The following CMKLR2 variants were observed in gnomAD, a reference collection of about 807,000 sequenced individuals.
CMKLR2 encodes the protein chemerin-like receptor 2.
CMKLR2 carries 18 observed loss-of-function variants against 23.0 expected under a neutral mutation model. The ratio of observed to expected loss-of-function variants is 0.78; its 90% CI spans 0.54 to 1.16. CMKLR2 has a LOEUF of 1.16. Ranked by LOEUF, CMKLR2 falls within the 50% of genes most tolerant of loss-of-function variation. CMKLR2 has a pLI of 0.00. For synonymous variants in CMKLR2, 158 were observed against 158.9 expected, an observed-to-expected ratio of 0.99 and a Z score of 0.05; for missense variants, 401 against 412.7, an observed-to-expected ratio of 0.97 and a Z score of 0.25.
chr2:206,200,877 C>T (rs1043494971), intron 1 of CMKLR2, among the ~76,000 whole-genome samples: 2 of 152,218 alleles, frequency 1.3e-5, no homozygotes, highest in East Asian at 1.9e-4. Context: ...CTTTTGTTCT[C>T]ATCACAGATT....
At position 206,175,954 on chromosome 2, in the gene CMKLR2, A is replaced by T. The variant is rs1353961564; in HGVS notation, c.*226T>A. 5.0e-6 allele frequency: 2 copies of T among 397,828 alleles called. No individual in the cohort carries two copies. Among genetic ancestry groups the T allele is most frequent in the Non-Finnish European group, 8.9e-6 (2 of 225,450 alleles). The allele number at this position is 397,828 out of a possible 1,614,324, so 24.6% of individuals were successfully genotyped here. ...AAAAAAATTATGCGGATCCTTCCTAAGTATTTTCAGTTTTTTAAAAAAAAT... is the reference window on the plus strand; with the variant it reads ...AAAAAAATTATGCGGATCCTTCCTATGTATTTTCAGTTTTTTAAAAAAAAT... On this transcript the variant is annotated 3_prime_UTR_variant, in exon 2 of 2. Coordinates refer to ENST00000621141, the MANE Select transcript of CMKLR2 (RefSeq NM_001389445.1).
At chr2:206,187,144 C>A (rs377160915) in intron 1 of CMKLR2, among the ~76,000 whole-genome samples, 62 of 152,198 alleles carry the variant, frequency 4.1e-4, no homozygotes, top group African/African-American at 1.4e-3. Flanking sequence ...GTAAGGAGTT[C>A]GAGACCAGCC....
At chr2:206,210,970 T>C (rs2105844135) in intron 1 of CMKLR2, among the ~76,000 whole-genome samples, 1 of 152,304 alleles carries the variant, frequency 6.6e-6, no homozygotes, top group Admixed American at 6.5e-5. Flanking sequence ...TTAACGTCAA[T>C]TCAACTTTGT....
chr2:206,182,702 C>T lies in CMKLR2; in HGVS notation c.-28-5427G>A, dbSNP rs181755587. On this transcript the variant is annotated intron_variant, in intron 1 of 1. Transcript: ENST00000621141. ...AGTGGCGTGATCTCGGCTCATGCAA[C>T]CTTTGTCCCCCGAGTTCAAGTGATT... is the stretch of plus-strand genomic sequence containing the variant. 1.9e-3 allele frequency among the ~76,000 whole-genome samples: 295 copies of T among 151,914 alleles called. 1 individual carries two copies. The highest frequency in any genetic ancestry group is 6.7e-3 in the African/African-American group (279 of 41,418).
intron 1 of CMKLR2, among the ~76,000 whole-genome samples, chr2:206,198,022 T>C (rs897647524): frequency 1.3e-5 from 2 of 152,182 alleles, no homozygotes; most frequent in Non-Finnish European, 2.9e-5. Context: ...GTTTTCCCCC[T>C]TGATCCACCC....
At chr2:206,179,598 G>T (rs975663679) in intron 1 of CMKLR2, among the ~76,000 whole-genome samples, 4 of 151,874 alleles carry the variant, frequency 2.6e-5, no homozygotes, top group African/African-American at 9.7e-5. Flanking sequence ...CAAAGTGCTG[G>T]GATTACAGGA....
intron 1 of CMKLR2, among the ~76,000 whole-genome samples, chr2:206,207,385 C>A (rs992847776): frequency 6.6e-6 from 1 of 152,004 alleles, no homozygotes; most frequent in African/African-American, 2.4e-5. Context: ...GGTGATCCAC[C>A]TGCCTTGGCC....
intron 1 of CMKLR2, among the ~76,000 whole-genome samples, chr2:206,180,279 C>T (rs1358681426): frequency 6.6e-6 from 1 of 151,288 alleles, no homozygotes; most frequent in Non-Finnish European, 1.5e-5. Flanking sequence ...TTGCTTGAGC[C>T]TAAGAGTTTG....
chr2:206,191,079 T>C (rs1385593020), intron 1 of CMKLR2, among the ~76,000 whole-genome samples: 4 of 152,318 alleles, frequency 2.6e-5, no homozygotes, highest in African/African-American at 9.6e-5. Flanking sequence ...ATAATGTAAA[T>C]ATCAGGCAAT....
chr2:206,209,757 T>G (rs1449943070), intron 1 of CMKLR2, among the ~76,000 whole-genome samples: 3 of 150,536 alleles, frequency 2.0e-5, no homozygotes, highest in South Asian at 2.1e-4. Context: ...CACGCCATTC[T>G]CCTGCCTCAG....
intron 1 of CMKLR2, among the ~76,000 whole-genome samples, chr2:206,196,284 G>T (rs925650919): frequency 6.6e-6 from 1 of 152,068 alleles, no homozygotes; most frequent in African/African-American, 2.4e-5. Context: ...CGAGGCAGGA[G>T]AATCGCTGGA....
At chr2:206,202,921 C>T (rs970564100) in intron 1 of CMKLR2, among the ~76,000 whole-genome samples, 10 of 152,184 alleles carry the variant, frequency 6.6e-5, no homozygotes, top group African/African-American at 1.4e-4. Flanking sequence ...CCCAAACTCA[C>T]CTTCCACCCT....
intron 1 of CMKLR2, among the ~76,000 whole-genome samples, chr2:206,182,364 A>G (rs1385791943): frequency 6.6e-6 from 1 of 152,148 alleles, no homozygotes; most frequent in Non-Finnish European, 1.5e-5. Flanking sequence ...TACTTGTCTT[A>G]TCACACTTAA....
At chr2:206,213,078 T>C (rs1231004010) in intron 1 of CMKLR2, among the ~76,000 whole-genome samples, 1 of 152,242 alleles carries the variant, frequency 6.6e-6, no homozygotes, top group African/African-American at 2.4e-5. Flanking sequence ...GTTTTAGGAT[T>C]AATCAGCAGC....
chr2:206,214,296 C>A (rs540752572), upstream of CMKLR2, among the ~76,000 whole-genome samples: 1 of 150,990 alleles, frequency 6.6e-6, no homozygotes, highest in African/African-American at 2.4e-5. Flanking sequence ...GTCAGCCTCC[C>A]AAGTAGCTGG....
At chr2:206,182,474 A>T (rs557241779) in intron 1 of CMKLR2, among the ~76,000 whole-genome samples, 9 of 152,180 alleles carry the variant, frequency 5.9e-5, no homozygotes, top group Non-Finnish European at 1.3e-4. Flanking sequence ...AGTGCCTTGT[A>T]CACCTTAATA....
intron 1 of CMKLR2, among the ~76,000 whole-genome samples, chr2:206,182,196 T>C (rs568396031): frequency 4.4e-4 from 67 of 152,194 alleles, no homozygotes; most frequent in African/African-American, 1.4e-3. Flanking sequence ...ACTGTACTAT[T>C]ATTGGTCTCA....
chr2:206,176,337 T>A lies in CMKLR2; in HGVS notation c.911A>T (p.Tyr304Phe). 1 of 1,613,988 alleles carries A rather than the reference T, an allele frequency of 6.2e-7. No homozygotes were observed. Among genetic ancestry groups the A allele is most frequent in the Non-Finnish European group, 8.5e-7 (1 of 1,180,002 alleles). Residue 304 changes from tyrosine to phenylalanine, a missense_variant, in exon 2 of 2, where the codon TAT becomes TTT. Transcript: ENST00000621141. ...FLNSCLNPIL[Y>F]VLISKKFQAR... Reference sequence around the variant, plus strand: ...TTGGAACTTCTTACTAATTAGGACATAAAGGATGGGGTTCAAGCAACTATT... The same window carrying A: ...TTGGAACTTCTTACTAATTAGGACAAAAAGGATGGGGTTCAAGCAACTATT...
At chr2:206,192,689 T>C (rs1345369400) in intron 1 of CMKLR2, among the ~76,000 whole-genome samples, 1 of 152,066 alleles carries the variant, frequency 6.6e-6, no homozygotes, top group African/African-American at 2.4e-5. Flanking sequence ...TTATCTCAAG[T>C]CTTGGAAAGA....
Sources: gnomAD v4.1 joint callset for allele counts (sites outside exome capture counted in the v4.1 genomes callset) on GRCh38, gnomAD v4.1.1 for gene constraint, MANE v1.5 for transcripts, NCBI Gene and HGNC (gene_info 2026-07-23, HGNC 2026-07-21) for gene names.